The following GRM8 variants were observed in gnomAD, a reference collection of about 807,000 sequenced individuals.
GRM8 encodes metabotropic glutamate receptor 8.
Under a neutral mutation model 87.2 loss-of-function variants are expected in GRM8, and 47 were observed. That is an observed-to-expected ratio of 0.54 (90% confidence interval 0.43 to 0.69). The LOEUF is 0.69. Among genes scored for constraint, GRM8 ranks in the 30% least tolerant of loss-of-function variants. GRM8 has a pLI of 0.00. For synonymous variants in GRM8, 396 were observed against 404.5 expected, an observed-to-expected ratio of 0.98 and a Z score of 0.25; for missense variants, 1,019 against 1,139.2, an observed-to-expected ratio of 0.89 and a Z score of 1.52.
At chr7:127,003,375 A>G (rs191544022) in intron 3 of GRM8, among the ~76,000 whole-genome samples, 5 of 151,878 alleles carry the variant, frequency 3.3e-5, no homozygotes, top group African/African-American at 1.2e-4. Context: ...AAAGAACATG[A>G]AATAGTTTGG....
intron 8 of GRM8, among the ~76,000 whole-genome samples, chr7:126,586,589 C>T (rs1243047523): frequency 2.6e-5 from 4 of 152,150 alleles, no homozygotes; most frequent in Admixed American, 1.3e-4. Context: ...GAAAGGATTC[C>T]CTATTTAATA....
intron 8 of GRM8, among the ~76,000 whole-genome samples, chr7:126,548,896 A>T (rs1357978256): frequency 3.3e-5 from 5 of 152,192 alleles, no homozygotes; most frequent in African/African-American, 4.8e-5. Flanking sequence ...CATAAGTATA[A>T]ATAAATTTAA....
intron 2 of GRM8, among the ~76,000 whole-genome samples, chr7:127,218,515 TA>T (rs760095048): frequency 2.4e-4 from 36 of 152,308 alleles, no homozygotes; most frequent in Non-Finnish European, 5.1e-4. Context: ...AAGGTGAGGA[TA>T]ATAAGCATTG....
At chr7:126,948,489 G>C (rs1807787440) in intron 3 of GRM8, among the ~76,000 whole-genome samples, 1 of 150,002 alleles carries the variant, frequency 6.7e-6, no homozygotes, top group South Asian at 2.2e-4. Flanking sequence ...GGCAAGAACA[G>C]ATGATGCCAA....
intron 9 of GRM8, among the ~76,000 whole-genome samples, chr7:126,459,810 T>C (rs1205511651): frequency 5.9e-5 from 9 of 151,398 alleles, no homozygotes; most frequent in Admixed American, 5.3e-4. Context: ...AAGGGAACTC[T>C]ATCTGAAAGG....
intron 1 of GRM8, among the ~76,000 whole-genome samples, chr7:127,247,277 T>C (rs1224016938): frequency 6.6e-6 from 1 of 152,212 alleles, no homozygotes; most frequent in African/African-American, 2.4e-5. Flanking sequence ...CACCAACGCA[T>C]GCAGGGTCTC....
chr7:127,231,254 A>G (rs1231105664), intron 2 of GRM8, among the ~76,000 whole-genome samples: 1 of 152,110 alleles, frequency 6.6e-6, no homozygotes, highest in Non-Finnish European at 1.5e-5. Flanking sequence ...GGGGGAAAAA[A>G]AAAAGATTTA....
rs185062189 is a variant in GRM8, at chr7:127,132,915, A to G, written c.511-26203T>C. Among the ~76,000 whole-genome samples, 334 of 152,316 alleles carry G rather than the reference A, an allele frequency of 2.2e-3. 3 individuals are homozygous for G. The highest frequency in any genetic ancestry group is 6.8e-3 in the African/African-American group (282 of 41,572). ...CCCAAGTAAAGCCCTTGGTAGAGTA[A>G]TAGCTGGGATGTTTCAAGAATTTAA... is the stretch of plus-strand genomic sequence containing the variant. On this transcript the variant is annotated intron_variant, in intron 2 of 10. Coordinates refer to ENST00000339582, the MANE Select transcript of GRM8 (RefSeq NM_000845.3).
chr7:126,645,203 G>A (rs1238107650), intron 7 of GRM8, among the ~76,000 whole-genome samples: 2 of 152,240 alleles, frequency 1.3e-5, no homozygotes, highest in East Asian at 3.8e-4. Flanking sequence ...CTTCTGAGAT[G>A]TAGGCATAGT....
intron 3 of GRM8, among the ~76,000 whole-genome samples, chr7:127,067,658 C>T (rs971339951): frequency 1.3e-5 from 2 of 152,094 alleles, no homozygotes; most frequent in Non-Finnish European, 2.9e-5. Context: ...AATGTCTCCC[C>T]TTTGTTTTAA....
intron 7 of GRM8, among the ~76,000 whole-genome samples, chr7:126,615,995 G>A: frequency 6.6e-6 from 1 of 152,192 alleles, no homozygotes; most frequent in Non-Finnish European, 1.5e-5. Flanking sequence ...GGATATCCAG[G>A]AATTGAACTC....
At chr7:126,661,738 A>G (rs1805200717) in intron 7 of GRM8, among the ~76,000 whole-genome samples, 1 of 152,188 alleles carries the variant, frequency 6.6e-6, no homozygotes, top group East Asian at 1.9e-4. Flanking sequence ...AGGAAGAGGA[A>G]TTGGAAATAT....
chr7:127,069,589 A>G (rs2132663948), intron 3 of GRM8, among the ~76,000 whole-genome samples: 1 of 152,366 alleles, frequency 6.6e-6, no homozygotes, highest in Non-Finnish European at 1.5e-5. Context: ...CTTAGGACAA[A>G]GCAGATGAGA....
intron 7 of GRM8, among the ~76,000 whole-genome samples, chr7:126,729,981 T>A (rs1365441265): frequency 6.6e-6 from 1 of 151,994 alleles, no homozygotes; most frequent in Non-Finnish European, 1.5e-5. Context: ...AAATATAGTA[T>A]CAGATATGCA....
chr7:126,580,913 T>A (rs1294476507), intron 8 of GRM8, among the ~76,000 whole-genome samples: 1 of 151,930 alleles, frequency 6.6e-6, no homozygotes, highest in East Asian at 1.9e-4. Context: ...CACTTCTCTG[T>A]CAGTCATGAA....
chr7:127,241,010 G>A (rs1011891967), intron 2 of GRM8, among the ~76,000 whole-genome samples: 20 of 152,310 alleles, frequency 1.3e-4, no homozygotes, highest in African/African-American at 3.4e-4. Flanking sequence ...GTCAAGAGGC[G>A]CTTCTTAATG....
chr7:127,100,159 T>C (rs1825100932), intron 3 of GRM8, among the ~76,000 whole-genome samples: 1 of 152,340 alleles, frequency 6.6e-6, no homozygotes, highest in Middle Eastern at 3.4e-3. Context: ...GATAAATTTC[T>C]ATTATTTTAA....
chr7:126,498,937 G>A (rs1366196330), intron 9 of GRM8, among the ~76,000 whole-genome samples: 1 of 151,620 alleles, frequency 6.6e-6, no homozygotes. Context: ...ATTTATTGTT[G>A]GCATAAAATA....
At chr7:126,636,712 T>C (rs773437823) in intron 7 of GRM8, among the ~76,000 whole-genome samples, 6 of 152,010 alleles carry the variant, frequency 3.9e-5, no homozygotes, top group Non-Finnish European at 8.8e-5. Context: ...TCTAAGTCTG[T>C]AGGTTATCTC....
Sources: allele counts gnomAD v4.1 joint callset (sites outside exome capture counted in the v4.1 genomes callset), GRCh38; gene constraint gnomAD v4.1.1; transcripts MANE v1.5; gene names NCBI Gene and HGNC (gene_info 2026-07-23, HGNC 2026-07-21).